Variants in XRRA1 observed in about 807,000 individuals in gnomAD.
XRRA1 encodes the protein X-ray radiation resistance associated 1.
A neutral mutation model predicts 80.2 loss-of-function variants in XRRA1; 69 were observed. The ratio of observed to expected loss-of-function variants is 0.86; its 90% CI spans 0.71 to 1.05. The LOEUF (loss-of-function observed/expected upper bound fraction) is 1.05. XRRA1 is among the 50% of genes least tolerant of loss of function. The pLI is 0.00. For missense variants in XRRA1, 967 were observed against 976.4 expected (o/e 0.99, Z 0.13); for synonymous variants, 348 against 389.9 (o/e 0.89, Z 1.27).
intron 12 of XRRA1, among the ~76,000 whole-genome samples, chr11:74,858,805 A>G (rs1460329926): frequency 1.3e-5 from 2 of 152,176 alleles, no homozygotes; most frequent in African/African-American, 2.4e-5. Context: ...GAATTTCTTC[A>G]TAACACTAAG....
intron 10 of XRRA1, among the ~76,000 whole-genome samples, chr11:74,892,978 C>G (rs545451007): frequency 1.3e-5 from 2 of 152,092 alleles, no homozygotes; most frequent in East Asian, 3.8e-4. Flanking sequence ...CTAGTTCAAC[C>G]GTTGTGGAAG....
intron 10 of XRRA1, among the ~76,000 whole-genome samples, chr11:74,893,698 T>C (rs1348439713): frequency 6.7e-6 from 1 of 149,162 alleles, no homozygotes; most frequent in Non-Finnish European, 1.5e-5. Context: ...GATATTAATA[T>C]CATGTACGCC....
At chr11:74,948,390 A>G (rs1948076179) in intron 1 of XRRA1, among the ~76,000 whole-genome samples, 1 of 151,972 alleles carries the variant, frequency 6.6e-6, no homozygotes, top group Non-Finnish European at 1.5e-5. Flanking sequence ...GCTATTTGAT[A>G]ACTCTGTCAT....
At chr11:74,860,328 G>A (rs968319001) in intron 11 of XRRA1, among the ~76,000 whole-genome samples, 12 of 152,194 alleles carry the variant, frequency 7.9e-5, no homozygotes, top group African/African-American at 2.4e-4. Context: ...GAACATGGTG[G>A]CGGTCTGATA....
At position 74,896,491 on chromosome 11, in the gene XRRA1, G is replaced by C. The variant is rs371752195; in HGVS notation, c.1003+9748C>G. Among the ~76,000 whole-genome samples the C allele has an allele frequency of 1.6e-4, 24 of 152,336 alleles. No homozygotes were observed. The East Asian group carries it at 2.1e-3, about 13-fold the overall frequency. ...ACTTTGTACTATGGTTTGAGTGCCAGCTTAGCTGCAGTAGAATAGAATATC... is the reference window on the plus strand; with the variant it reads ...ACTTTGTACTATGGTTTGAGTGCCACCTTAGCTGCAGTAGAATAGAATATC... On this transcript the variant is annotated intron_variant, in intron 10 of 18. Transcript: ENST00000684022.
At chr11:74,904,465 AAG>A (rs1271621027) in intron 10 of XRRA1, among the ~76,000 whole-genome samples, 1 of 151,906 alleles carries the variant, frequency 6.6e-6, no homozygotes, top group Non-Finnish European at 1.5e-5. Flanking sequence ...TGTCTCTAAA[AAG>A]AAAAAAAAAA....
intron 10 of XRRA1, among the ~76,000 whole-genome samples, chr11:74,880,655 T>C (rs1421452770): frequency 6.6e-6 from 1 of 151,684 alleles, no homozygotes; most frequent in Admixed American, 6.6e-5. Context: ...GATTCTGGTA[T>C]GTTGTGTCTT....
chr11:74,874,123 C>T (rs2045513761), intron 10 of XRRA1, among the ~76,000 whole-genome samples: 1 of 149,306 alleles, frequency 6.7e-6, no homozygotes, highest in Admixed American at 6.8e-5. Flanking sequence ...GTATTCCCAG[C>T]TACCCAGGAG....
intron 12 of XRRA1, among the ~76,000 whole-genome samples, chr11:74,853,442 G>A (rs532760526): frequency 1.4e-4 from 21 of 152,174 alleles, no homozygotes; most frequent in Non-Finnish European, 2.2e-4. Flanking sequence ...AGTGGTAAAT[G>A]CTACTTCTAT....
Position 74,944,206 on chromosome 11 carries a change from T to C in XRRA1, c.-5+812A>G, listed in dbSNP as rs375897694. ...ATGAAGGGGTACCTTCAATGGACTA[T>C]GAATTTCCAAGTCTGGAAACACATC... is the stretch of plus-strand genomic sequence containing the variant. On this transcript the variant is annotated intron_variant, in intron 2 of 18. Coordinates refer to ENST00000684022, the MANE Select transcript of XRRA1 (RefSeq NM_001378157.1). 1.1e-4 allele frequency among the ~76,000 whole-genome samples: 16 copies of C among 152,332 alleles called. No homozygotes were observed. The East Asian group carries it at 2.1e-3, about 20-fold the overall frequency.
At chr11:74,900,585 G>GA (rs35698770) in intron 10 of XRRA1, among the ~76,000 whole-genome samples, 116 of 146,044 alleles carry the variant, frequency 7.9e-4, no homozygotes, top group South Asian at 1.3e-3. Flanking sequence ...TCCATCTCAA[G>GA]AAAAAAAAAA....
chr11:74,878,033 A>C (rs1450164006), intron 10 of XRRA1, among the ~76,000 whole-genome samples: 4 of 151,650 alleles, frequency 2.6e-5, no homozygotes, highest in Non-Finnish European at 5.9e-5. Flanking sequence ...CTGAGGAATC[A>C]CCACACTGAC....
chr11:74,898,251 C>A (rs955389187), intron 10 of XRRA1, among the ~76,000 whole-genome samples: 9 of 150,182 alleles, frequency 6.0e-5, no homozygotes, highest in African/African-American at 2.2e-4. Context: ...AACCTCAAAT[C>A]AAAAAATATA....
At chr11:74,875,474 A>G (rs919657609) in intron 10 of XRRA1, among the ~76,000 whole-genome samples, 1 of 152,186 alleles carries the variant, frequency 6.6e-6, no homozygotes, top group African/African-American at 2.4e-5. Flanking sequence ...ATCCTTCATC[A>G]AGCTTTTCAC....
chr11:74,919,807 G>A, intron 8 of XRRA1: 4 of 420,316 alleles, frequency 9.5e-6, no homozygotes, highest in Admixed American at 3.0e-5. Context: ...GGCTGTCTGG[G>A]CCAAAGGAAT....
intron 8 of XRRA1, chr11:74,911,395 C>T (rs1008607911): frequency 3.3e-5 from 5 of 152,072 alleles, no homozygotes; most frequent in Admixed American, 2.0e-4. Context: ...GCTTTCAAAG[C>T]GTGCTGATTT....
At chr11:74,863,092 G>A in intron 10 of XRRA1, 71 bp from the exon 11 acceptor site, 1 of 1,424,922 alleles carries the variant, frequency 7.0e-7, no homozygotes, top group Non-Finnish European at 9.7e-7. Flanking sequence ...CCAGGATATA[G>A]GTCTGCCATC....
At chr11:74,876,830 T>C (rs767654125) in intron 10 of XRRA1, 1 of 152,324 alleles carries the variant, frequency 6.6e-6, no homozygotes, top group Non-Finnish European at 1.5e-5. Flanking sequence ...ACTCCTACCT[T>C]ATCAGATACT....
intron 8 of XRRA1, among the ~76,000 whole-genome samples, chr11:74,908,220 C>A (rs1308938610): frequency 6.6e-6 from 1 of 152,108 alleles, no homozygotes; most frequent in Non-Finnish European, 1.5e-5. Flanking sequence ...ATGTGTTATC[C>A]AAGGATAGGT....
Sources: gnomAD v4.1 joint callset for allele counts (sites outside exome capture counted in the v4.1 genomes callset) on GRCh38, gnomAD v4.1.1 for gene constraint, MANE v1.5 for transcripts, NCBI Gene and HGNC (gene_info 2026-07-23, HGNC 2026-07-21) for gene names.